Variants in GBE1 observed in about 807,000 individuals in gnomAD.
GBE1 encodes 1,4-alpha-glucan-branching enzyme.
GBE1 carries 70 observed loss-of-function variants against 88.8 expected under a neutral mutation model. The ratio of observed to expected loss-of-function variants is 0.79; its 90% CI spans 0.65 to 0.96. GBE1 has a LOEUF of 0.96. Ranked by LOEUF, GBE1 falls within the 40% of genes least tolerant of loss-of-function variation. The pLI, the probability that GBE1 is intolerant of heterozygous loss-of-function variation, is 0.00. For synonymous variants in GBE1, 284 were observed against 300.1 expected (o/e 0.95, Z 0.56); for missense variants, 872 against 871.0 (o/e 1.00, Z -0.01).
chr3:81,578,334 A>G (rs1478141538), intron 11 of GBE1, among the ~76,000 whole-genome samples: 1 of 152,088 alleles, frequency 6.6e-6, no homozygotes, highest in East Asian at 1.9e-4. Context: ...TTTTTAAAAT[A>G]GGTTGGTGAA....
chr3:81,673,299 C>T (rs182303297), intron 2 of GBE1, among the ~76,000 whole-genome samples: 4 of 151,886 alleles, frequency 2.6e-5, no homozygotes, highest in Admixed American at 6.6e-5. Flanking sequence ...GGGTATAGTT[C>T]GTTAGTTCAT....
intron 1 of GBE1, among the ~76,000 whole-genome samples, chr3:81,740,791 A>ACACACACAC: frequency 1.4e-5 from 1 of 71,682 alleles, no homozygotes. Context: ...CACACACACA[A>ACACACACAC]TTTATTTAAA....
Position 81,750,636 on chromosome 3 carries a change from T to C in GBE1, c.143+10739A>G, listed in dbSNP as rs1250928367. Among the ~76,000 whole-genome samples the C allele has an allele frequency of 8.5e-4, 48 of 56,254 alleles. 4 individuals carry two copies. Among genetic ancestry groups the C allele is most frequent in the South Asian group, 2.7e-3 (6 of 2,222 alleles). The allele number at this position is 56,254 out of a possible 152,430, so 36.9% of individuals were successfully genotyped here. Reference sequence around the variant, plus strand: ...ATATATGTATATATATATACGTATATATATATATGTATATATATATATGTA... The same window carrying C: ...ATATATGTATATATATATACGTATACATATATATGTATATATATATATGTA... On this transcript the variant is annotated intron_variant, in intron 1 of 15. Coordinates refer to ENST00000429644, the MANE Select transcript of GBE1 (RefSeq NM_000158.4).
chr3:81,606,937 T>C (rs1704110979), intron 7 of GBE1, among the ~76,000 whole-genome samples: 1 of 152,218 alleles, frequency 6.6e-6, no homozygotes. Flanking sequence ...GTCACGTTTA[T>C]TTAGTTGTTG....
At chr3:81,681,836 C>T (rs1225407571) in intron 2 of GBE1, among the ~76,000 whole-genome samples, 1 of 152,070 alleles carries the variant, frequency 6.6e-6, no homozygotes, top group Non-Finnish European at 1.5e-5. Context: ...CATGTCAGAA[C>T]TAAAACTAGA....
At chr3:81,597,505 ATC>A (rs969065068) in intron 7 of GBE1, among the ~76,000 whole-genome samples, 3 of 146,032 alleles carry the variant, frequency 2.1e-5, no homozygotes, top group African/African-American at 7.6e-5. Flanking sequence ...ATATATATAT[ATC>A]TCATTGGTCA....
intron 12 of GBE1, among the ~76,000 whole-genome samples, chr3:81,556,924 C>T (rs145632929): frequency 0.012 from 1,771 of 152,034 alleles, 18 homozygotes; most frequent in Non-Finnish European, 0.017. Flanking sequence ...TGTGTAACCT[C>T]CTGCTGTGTA....
intron 7 of GBE1, chr3:81,642,537 A>G: frequency 3.1e-6 from 1 of 325,378 alleles, no homozygotes. Context: ...TAAAATTTTT[A>G]AATGATTATA....
At chr3:81,644,683 A>C (rs1331557834) in intron 6 of GBE1, among the ~76,000 whole-genome samples, 1 of 152,312 alleles carries the variant, frequency 6.6e-6, no homozygotes, top group East Asian at 1.9e-4. Flanking sequence ...GCCACTGTGC[A>C]GAAAAATTGA....
At chr3:81,657,475 A>T (rs1704958551) in intron 3 of GBE1, among the ~76,000 whole-genome samples, 1 of 152,164 alleles carries the variant, frequency 6.6e-6, no homozygotes, top group African/African-American at 2.4e-5. Flanking sequence ...CTGCTAGTTC[A>T]TTGTGAACTT....
At chr3:81,578,173 T>C in intron 11 of GBE1, 77 bp from the exon 12 acceptor site, 10 of 981,088 alleles carry the variant, frequency 1.0e-5, no homozygotes, top group Non-Finnish European at 1.5e-5. Flanking sequence ...GAACAATGCA[T>C]GGTTACAAAT....
At chr3:81,493,536 T>A (rs1340319507) in intron 15 of GBE1, among the ~76,000 whole-genome samples, 1 of 151,976 alleles carries the variant, frequency 6.6e-6, no homozygotes, top group African/African-American at 2.4e-5. Flanking sequence ...TAAATTTTTT[T>A]TTTTTTTTCT....
intron 3 of GBE1, among the ~76,000 whole-genome samples, chr3:81,657,841 A>G (rs149454034): frequency 6.4e-4 from 98 of 152,272 alleles, no homozygotes; most frequent in Non-Finnish European, 1.2e-3. Context: ...ATATGCATAT[A>G]AAATCATCCT....
intron 3 of GBE1, among the ~76,000 whole-genome samples, chr3:81,665,762 G>C (rs1056268251): frequency 6.6e-6 from 1 of 152,086 alleles, no homozygotes; most frequent in South Asian, 2.1e-4. Context: ...CAACATTGTT[G>C]AACAATTTAC....
chr3:81,684,594 CA>C (rs1030772228), intron 2 of GBE1, among the ~76,000 whole-genome samples: 1 of 152,164 alleles, frequency 6.6e-6, no homozygotes, highest in African/African-American at 2.4e-5. Context: ...CCCCCGCCTG[CA>C]AATACCATCA....
intron 14 of GBE1, among the ~76,000 whole-genome samples, chr3:81,499,659 G>A (rs1002153830): frequency 3.9e-5 from 6 of 152,066 alleles, no homozygotes; most frequent in Non-Finnish European, 7.4e-5. Flanking sequence ...CCATGTGTCT[G>A]CTAGATATAT....
At chr3:81,596,371 T>A (rs1703957496) in intron 7 of GBE1, among the ~76,000 whole-genome samples, 1 of 151,922 alleles carries the variant, frequency 6.6e-6, no homozygotes, top group Admixed American at 6.6e-5. Context: ...TGCACCATGT[T>A]GGTGTGCTGC....
chr3:81,516,171 T>C (rs1702796493), intron 14 of GBE1, among the ~76,000 whole-genome samples: 1 of 151,594 alleles, frequency 6.6e-6, no homozygotes, highest in Admixed American at 6.6e-5. Context: ...GGGAAGACAG[T>C]ATCTGGTTTC....
intron 1 of GBE1, among the ~76,000 whole-genome samples, chr3:81,750,659 GTATATATATATA>G (rs1553696645): frequency 2.8e-5 from 1 of 35,300 alleles, no homozygotes; most frequent in Non-Finnish European, 4.2e-5. Context: ...ATATATATAT[GTATATATATATA>G]TACGTATATA....
Sources: gnomAD v4.1 joint callset for allele counts (sites outside exome capture counted in the v4.1 genomes callset) on GRCh38, gnomAD v4.1.1 for gene constraint, MANE v1.5 for transcripts, NCBI Gene and HGNC (gene_info 2026-07-23, HGNC 2026-07-21) for gene names.